Variants in SMPD4 observed in about 807,000 individuals in gnomAD.
SMPD4 encodes the protein sphingomyelin phosphodiesterase 4.
SMPD4 carries 58 observed loss-of-function variants against 97.8 expected under a neutral mutation model. That is an observed-to-expected ratio of 0.59 (90% CI 0.48 to 0.74). The LOEUF (loss-of-function observed/expected upper bound fraction) is 0.74. Among genes scored for constraint, SMPD4 ranks in the 30% least tolerant of loss-of-function variants. SMPD4 has a pLI of 0.00. For missense variants in SMPD4, 853 were observed against 1,080.5 expected (o/e 0.79, Z 2.95); for synonymous variants, 388 against 450.0 (o/e 0.86, Z 1.74).
intron 2 of SMPD4, among the ~76,000 whole-genome samples, chr2:130,175,315 C>G (rs1479540698): frequency 2.0e-5 from 3 of 152,160 alleles, no homozygotes; most frequent in Non-Finnish European, 2.9e-5. Context: ...GTCAGCCCCA[C>G]AGCCAGAAGA....
At chr2:130,172,739 G>C in intron 6 of SMPD4, 48 bp downstream of exon 6, 1 of 1,614,196 alleles carries the variant, frequency 6.2e-7, no homozygotes. Flanking sequence ...TCAGTGTCAA[G>C]TGCTGGGCCA....
In SMPD4 at chr2:130,173,335, C is replaced by T; in HGVS notation, c.289G>A (p.Val97Ile). The change falls in exon 5 of 20, where the codon GTT (valine) becomes ATT (isoleucine). Residue 97 changes from valine to isoleucine, a missense_variant. Coordinates refer to ENST00000680298, the MANE Select transcript of SMPD4 (RefSeq NM_017951.5). ...TAGTCTTCAGCTTGAAGCTTATAAACCAACTTCATCATTGGGCCACTGAAC... is the reference window on the plus strand; with the variant it reads ...TAGTCTTCAGCTTGAAGCTTATAAATCAACTTCATCATTGGGCCACTGAAC... ...LDPGGPMMKL[V>I]YKLQAEDYKF... 6.2e-7 allele frequency: 1 copy of T among 1,612,936 alleles called. No homozygotes were observed. The highest frequency in any genetic ancestry group is 8.5e-7 in the Non-Finnish European group (1 of 1,179,658).
chr2:130,153,971 A>G (rs1686495606), intron 16 of SMPD4, 36 bp from the exon 17 acceptor site: 1 of 1,589,296 alleles, frequency 6.3e-7, no homozygotes, highest in Non-Finnish European at 8.6e-7. Flanking sequence ...CCAGCAGGAC[A>G]GGCCTGTGCT....
chr2:130,181,544 G>C lies in SMPD4; in HGVS notation c.-60C>G, dbSNP rs774262499. Reference sequence around the variant, plus strand: ...GCGCCACTCACCTGTGGGATCCATAGCGTCGCTCGCCTCAGAGATGGAAGC... The same window carrying C: ...GCGCCACTCACCTGTGGGATCCATACCGTCGCTCGCCTCAGAGATGGAAGC... On this transcript the variant is annotated 5_prime_UTR_variant, in exon 1 of 20. Transcript: ENST00000680298. 1 of 1,605,470 alleles carries C rather than the reference G, an allele frequency of 6.2e-7. No individual in the cohort carries two copies. Among genetic ancestry groups the C allele is most frequent in the Non-Finnish European group, 8.5e-7 (1 of 1,177,130 alleles).
chr2:130,153,324 A>T lies in SMPD4; in HGVS notation c.2020T>A (p.Tyr674Asn). 6.2e-7 allele frequency: 1 copy of T among 1,613,672 alleles called. No homozygotes were observed. The highest frequency in any genetic ancestry group is 8.5e-7 in the Non-Finnish European group (1 of 1,179,982). ...CTGAGACACGGGCCTCTCACCTGGT[A>T]CCGCCCCAGGGGCGTAAGGATGAGT... ...DGLILTPLGR[Y>N]QIINGLRRFE... The change falls in exon 18 of 20, where the codon TAC becomes AAC. Residue 674 changes from tyrosine (Y) to asparagine (N), a missense_variant. Tyr to Asn is a moderately radical substitution (Grantham distance 143). This residue lies in a region of SMPD4 where 511 missense variants were observed against 608.1 expected (regional missense o/e 0.84). Transcript: ENST00000680298.
In SMPD4 at chr2:130,164,378, G is replaced by C. The variant is rs1687727140; in HGVS notation, c.860C>G (p.Ala287Gly). The C allele has an allele frequency of 6.2e-7, 1 of 1,613,648 alleles. No homozygotes were observed. The highest frequency in any genetic ancestry group is 1.1e-5 in the South Asian group (1 of 91,078). The stretch of plus-strand genomic sequence containing the variant: ...GAAGAAAAACTGAAAACATACCTTG[G>C]CATGAGGGGACTGCATTTTTTGATA... The part of the protein sequence containing the change: ...EMYQKMQSPH[A>G]KLEVLHYRLS... The change falls in exon 10 of 20, where the codon GCC (alanine) becomes GGC (glycine). Residue 287 changes from alanine to glycine, a missense_variant. Ala to Gly is a moderately conservative substitution (Grantham distance 60). Transcript: ENST00000680298.
chr2:130,154,999 G>T, intron 15 of SMPD4, 97 bp downstream of exon 15: 1 of 1,486,646 alleles, frequency 6.7e-7, no homozygotes, highest in South Asian at 1.3e-5. Flanking sequence ...CTCTGGGCGT[G>T]TGGGTCCCTC....
rs547877078 is a variant in SMPD4 at position 130,173,489 on chromosome 2, T to A, written c.269+25A>T. 211 of 1,588,632 alleles carry A rather than the reference T, an allele frequency of 1.3e-4. 3 individuals carry two copies. The South Asian group carries it at 2.2e-3, about 17-fold the overall frequency. On this transcript the variant is annotated intron_variant, in intron 4 of 19. Transcript: ENST00000680298. ...AATCACCATGAGGAATCACCCAGCC[T>A]CTCTCCGGTGACCAACCTACCTACC...
At chr2:130,168,981 A>C (rs1177970017) in intron 8 of SMPD4, among the ~76,000 whole-genome samples, 1 of 152,110 alleles carries the variant, frequency 6.6e-6, no homozygotes, top group Admixed American at 6.5e-5. Flanking sequence ...TCAGCCTCTC[A>C]AAGTCCTGGA....
chr2:130,181,652 A>G (rs751785395), upstream of SMPD4: 695 of 1,552,332 alleles, frequency 4.5e-4, 1 homozygote, highest in Non-Finnish European at 5.5e-4. Flanking sequence ...AAGCGCTTCC[A>G]CCTCTTTGGG....
intron 10 of SMPD4, among the ~76,000 whole-genome samples, chr2:130,163,653 C>T (rs1687640146): frequency 1.3e-5 from 2 of 152,266 alleles, no homozygotes; most frequent in African/African-American, 2.4e-5. Flanking sequence ...GGGCATGAGT[C>T]AAGCTGCTCC....
At chr2:130,178,780 G>A (rs1689207776) in intron 1 of SMPD4, among the ~76,000 whole-genome samples, 1 of 149,842 alleles carries the variant, frequency 6.7e-6, no homozygotes, top group Non-Finnish European at 1.5e-5. Flanking sequence ...GGGTGATAGA[G>A]GGAAACTCTC....
chr2:130,180,974 AC>A (rs1338840676), intron 1 of SMPD4, among the ~76,000 whole-genome samples: 2 of 151,780 alleles, frequency 1.3e-5, no homozygotes, highest in African/African-American at 4.8e-5. Context: ...GCTGCTTCGG[AC>A]CCCGTTTGTT....
Position 130,180,543 on chromosome 2 carries a change from T to C in SMPD4, c.-46+987A>G, listed in dbSNP as rs1226059581. On this transcript the variant is annotated intron_variant, in intron 1 of 19. Transcript: ENST00000680298. ...GCCTGGGCCTCCCAAAGTGCTGGGA[T>C]TACAGGCGTGAGTCACCGCTCCCGG... Among the ~76,000 whole-genome samples the C allele has an allele frequency of 2.8e-4, 42 of 152,212 alleles. 1 individual carries two copies. The highest frequency in any genetic ancestry group is 2.7e-3 in the Admixed American group (42 of 15,286).
intron 1 of SMPD4, among the ~76,000 whole-genome samples, chr2:130,180,289 G>A (rs759153054): frequency 4.6e-4 from 66 of 143,806 alleles, no homozygotes; most frequent in Non-Finnish European, 8.4e-4. Flanking sequence ...TTTTTCAGAC[G>A]GAGTCTCGCT....
intron 1 of SMPD4, chr2:130,181,318 G>C: frequency 7.0e-7 from 1 of 1,425,642 alleles, no homozygotes; most frequent in Non-Finnish European, 9.1e-7. Flanking sequence ...GAGTGTACGA[G>C]CCGCGCGGGA....
At chr2:130,159,332 G>C (rs112307532) in intron 11 of SMPD4, among the ~76,000 whole-genome samples, 1 of 152,008 alleles carries the variant, frequency 6.6e-6, no homozygotes, top group African/African-American at 2.4e-5. Context: ...TTTGGGCAAT[G>C]AATTTGCATT....
rs771156464 is a variant in SMPD4, at chr2:130,153,714, G to A, written c.1881C>T (p.Arg627=). ...CCATAGCTCGTACCCGGAATATCTG[G>A]CGCAGGTACTCCAGGGCCTTCTCCA... The part of the protein sequence containing the change: ...EYLEKALEYL[R]QIFRLSEAQL... The change falls in exon 17 of 20, where the codon CGC becomes CGT. Residue 627 remains arginine, a synonymous_variant. Coordinates refer to ENST00000680298, the MANE Select transcript of SMPD4 (RefSeq NM_017951.5). The A allele has an allele frequency of 3.1e-6, 5 of 1,613,670 alleles. No homozygotes were observed. In the East Asian group the frequency reaches 1.1e-4, roughly 36 times the overall value.
At chr2:130,166,403 C>T (rs1289316791) in intron 9 of SMPD4, among the ~76,000 whole-genome samples, 1 of 151,980 alleles carries the variant, frequency 6.6e-6, no homozygotes, top group Non-Finnish European at 1.5e-5. Context: ...GATCTTCTGC[C>T]CTCTTCATGG....
Sources: gnomAD v4.1 joint callset for allele counts (sites outside exome capture counted in the v4.1 genomes callset) on GRCh38, gnomAD v4.1.1 for gene constraint, gnomAD v4.1.1 regional missense constraint, MANE v1.5 for transcripts, NCBI Gene and HGNC (gene_info 2026-07-23, HGNC 2026-07-21) for gene names.